PTPRB: variants seen among roughly 807,000 people sequenced by gnomAD.
PTPRB encodes receptor-type tyrosine-protein phosphatase beta.
Under a neutral mutation model 238.1 loss-of-function variants are expected in PTPRB, and 97 were observed. That is an observed-to-expected ratio of 0.41 (90% CI 0.35 to 0.48). The LOEUF is 0.48. Among genes scored for constraint, PTPRB ranks in the 20% least tolerant of loss-of-function variants. The pLI is 0.30. For synonymous variants in PTPRB, 970 were observed against 995.4 expected, an observed-to-expected ratio of 0.97 and a Z score of 0.48; for missense variants, 2,292 against 2,681.9, an observed-to-expected ratio of 0.85 and a Z score of 3.21.
At chr12:70,622,726 A>G (rs17226479) in intron 2 of PTPRB, 80 bp from the exon 3 acceptor site, 109,390 of 1,440,560 alleles carry the variant, frequency 0.076, 5,010 homozygotes, top group Non-Finnish European at 0.092. Context: ...TTACTTAGCA[A>G]AAGAGGGCCT....
chr12:70,516,439 G>A lies in PTPRB; in HGVS notation c.*5050C>T, dbSNP rs1871202769. On this transcript the variant is annotated 3_prime_UTR_variant, in exon 34 of 34. Transcript: ENST00000334414. ...AGAAATACTCTTCCAGTAGAGCACT[G>A]GTGCACCCTCTTGTCAGTGTGGCAG... 6.6e-6 allele frequency: 1 copy of A among 152,184 alleles called. No homozygotes were observed. The highest frequency in any genetic ancestry group is 6.6e-5 in the Admixed American group (1 of 15,266). 9.4% of individuals were successfully genotyped at this position (152,184 alleles called of 1,614,324 possible). A position where few individuals can be genotyped will look rare whatever the true frequency, so the allele number is the denominator to read the frequency against.
Position 70,566,501 on chromosome 12 carries a change from T to C in PTPRB, c.3838A>G (p.Lys1280Glu). The C allele has an allele frequency of 6.2e-7, 1 of 1,614,042 alleles. No homozygotes were observed. Among genetic ancestry groups the C allele is most frequent in the Non-Finnish European group, 8.5e-7 (1 of 1,179,898 alleles). The change falls in exon 15 of 34, where the codon AAG becomes GAG. Residue 1280 changes from lysine (K) to glutamate (E), a missense_variant. Physicochemically the swap from Lys to Glu is moderately conservative, Grantham distance 56. This residue lies in a region of PTPRB where 683 missense variants were observed against 862.0 expected (regional missense o/e 0.79). Transcript: ENST00000334414. ...FEDLTPGKKY[K>E]IQILTVSGGL... ...CCACTGACAGTTAGGATCTGTATCT[T>C]GTATTTCTTGCCTGGTGTTAGATCT...
chr12:70,570,751 T>G (rs1349935993), intron 13 of PTPRB, among the ~76,000 whole-genome samples: 1 of 152,192 alleles, frequency 6.6e-6, no homozygotes, highest in East Asian at 1.9e-4. Flanking sequence ...TAACACTTAA[T>G]TCTTAATCTG....
intron 15 of PTPRB, among the ~76,000 whole-genome samples, chr12:70,563,633 C>T (rs1048978353): frequency 5.9e-5 from 9 of 152,168 alleles, no homozygotes; most frequent in African/African-American, 2.2e-4. Context: ...CTTTTTATGT[C>T]CAGCTCACTT....
chr12:70,547,026 GTTTT>G (rs1215242373), intron 21 of PTPRB, among the ~76,000 whole-genome samples: 3 of 147,690 alleles, frequency 2.0e-5, no homozygotes, highest in Non-Finnish European at 4.5e-5. Context: ...TTTTGTTTTT[GTTTT>G]TTTAAAATCT....
intron 2 of PTPRB, among the ~76,000 whole-genome samples, chr12:70,625,897 T>A (rs1005614424): frequency 2.0e-5 from 3 of 152,164 alleles, no homozygotes; most frequent in African/African-American, 4.8e-5. Context: ...TGCATAAAGC[T>A]CTTTTTATAG....
intron 2 of PTPRB, among the ~76,000 whole-genome samples, chr12:70,627,251 T>A (rs1412904561): frequency 6.6e-6 from 1 of 152,088 alleles, no homozygotes; most frequent in African/African-American, 2.4e-5. Context: ...TTCAGGGCTA[T>A]CAGGCTATAG....
chr12:70,569,610 A>C, intron 14 of PTPRB, 65 bp downstream of exon 14: 1 of 1,585,518 alleles, frequency 6.3e-7, no homozygotes, highest in Non-Finnish European at 8.6e-7. Context: ...GAGCCCGTTC[A>C]CTGTCCCATT....
chr12:70,564,843 AAAT>A (rs138995596), intron 15 of PTPRB, among the ~76,000 whole-genome samples: 26,075 of 95,936 alleles, frequency 0.27, 2,635 homozygotes, highest in Middle Eastern at 0.36. Context: ...CAAAAATAAT[AAAT>A]AATAATAATA....
chr12:70,581,266 T>C lies in PTPRB; in HGVS notation c.2348A>G (p.Gln783Arg). The C allele has an allele frequency of 6.2e-7, 1 of 1,613,922 alleles. No homozygotes were observed. The highest frequency in any genetic ancestry group is 1.3e-5 in the African/African-American group (1 of 75,056). ...AGTAAACAGACTACTGGTCATTCCT[T>C]GGTTGGCCACATGCAAGTCAGTCAC... Reference protein sequence around the residue: ...AQVTDLHVANQGMTSSLFTNW... With the variant: ...AQVTDLHVANRGMTSSLFTNW... The change falls in exon 10 of 34, where the codon CAA (glutamine) becomes CGA (arginine). Residue 783 changes from glutamine (Q) to arginine (R), a missense_variant. Gln to Arg is a conservative substitution (Grantham distance 43). This residue lies in a region of PTPRB where 1,205 missense variants were observed against 1,287.8 expected (regional missense o/e 0.94). Coordinates refer to ENST00000334414, the MANE Select transcript of PTPRB (RefSeq NM_001109754.4).
chr12:70,636,148 G>A (rs1885679939), intron 1 of PTPRB, 82 bp from the exon 2 acceptor site: 16 of 1,308,108 alleles, frequency 1.2e-5, no homozygotes, highest in Non-Finnish European at 1.5e-5. Flanking sequence ...CCACAAATGA[G>A]CTAAATAAAA....
chr12:70,528,263 G>A (rs992638787), intron 32 of PTPRB, among the ~76,000 whole-genome samples: 1 of 152,152 alleles, frequency 6.6e-6, no homozygotes, highest in African/African-American at 2.4e-5. Flanking sequence ...ACATGAAGCT[G>A]GAGGAGTAAG....
chr12:70,546,448 A>G (rs1386756362), intron 21 of PTPRB, among the ~76,000 whole-genome samples: 2 of 152,184 alleles, frequency 1.3e-5, no homozygotes, highest in Non-Finnish European at 2.9e-5. Flanking sequence ...TCTCTGCATA[A>G]GTCAGCCCAG....
At chr12:70,533,412 T>C (rs1873598344) in intron 31 of PTPRB, among the ~76,000 whole-genome samples, 1 of 152,220 alleles carries the variant, frequency 6.6e-6, no homozygotes, top group Non-Finnish European at 1.5e-5. Context: ...CCATATTTAT[T>C]AGTGCCATTC....
At position 70,517,344 on chromosome 12, in the gene PTPRB, G is replaced by A. The variant is rs1332333658; in HGVS notation, c.*4145C>T. The A allele has an allele frequency of 6.6e-6, 1 of 152,158 alleles. No homozygotes were observed. Among genetic ancestry groups the A allele is most frequent in the Non-Finnish European group, 1.5e-5 (1 of 68,024 alleles). 9.4% of individuals were successfully genotyped at this position (152,158 alleles called of 1,614,324 possible). On this transcript the variant is annotated 3_prime_UTR_variant, in exon 34 of 34. Coordinates refer to ENST00000334414, the MANE Select transcript of PTPRB (RefSeq NM_001109754.4). ...AGAAGAGATGCCATTTTATCTTCAT[G>A]ATGATGTCTGGTTAGATTCTGTTTT... is the stretch of plus-strand genomic sequence containing the variant.
chr12:70,524,953 A>G (rs935931739), intron 32 of PTPRB, among the ~76,000 whole-genome samples: 9 of 147,832 alleles, frequency 6.1e-5, no homozygotes, highest in African/African-American at 2.1e-4. Context: ...ATATATGTGT[A>G]TATATGTATG....
At chr12:70,636,709 T>C (rs1885714805) in intron 1 of PTPRB, among the ~76,000 whole-genome samples, 1 of 152,218 alleles carries the variant, frequency 6.6e-6, no homozygotes, top group Admixed American at 6.5e-5. Flanking sequence ...GGAGCATTTC[T>C]CTATTTTATG....
At chr12:70,623,419 A>T (rs1885035079) in intron 2 of PTPRB, among the ~76,000 whole-genome samples, 1 of 152,210 alleles carries the variant, frequency 6.6e-6, no homozygotes, top group South Asian at 2.1e-4. Flanking sequence ...ATCTCCTGGG[A>T]ATCTTGCTAA....
In PTPRB at chr12:70,534,630, T is replaced by C. The variant is rs769678659; in HGVS notation, c.6226A>G (p.Arg2076Gly). 1 of 1,612,612 alleles carries C rather than the reference T, an allele frequency of 6.2e-7. No individual in the cohort carries two copies. The highest frequency in any genetic ancestry group is 2.2e-5 in the East Asian group (1 of 44,848). The change falls in exon 31 of 34, where the codon AGA (arginine) becomes GGA (glycine). Residue 2076 changes from arginine (R) to glycine (G), a missense_variant. Coordinates refer to ENST00000334414, the MANE Select transcript of PTPRB (RefSeq NM_001109754.4). ...ICGEEQLDAH[R>G]LIRHFHYTVW... is the part of the protein sequence containing the mutation. ...GTATAGTGAAAGTGGCGGATGAGTCTGTGTGCATCAAGCTGTTCCTCCTGT... is the reference window on the plus strand; with the variant it reads ...GTATAGTGAAAGTGGCGGATGAGTCCGTGTGCATCAAGCTGTTCCTCCTGT...
Sources: allele counts gnomAD v4.1 joint callset (sites outside exome capture counted in the v4.1 genomes callset), GRCh38; gene constraint gnomAD v4.1.1; regional missense constraint gnomAD v4.1.1; transcripts MANE v1.5; gene names NCBI Gene and HGNC (gene_info 2026-07-23, HGNC 2026-07-21).